TMPRSS11E: variants seen among roughly 807,000 people sequenced by gnomAD.
The protein encoded by TMPRSS11E is transmembrane serine protease 11E.
TMPRSS11E carries 38 observed loss-of-function variants against 48.1 expected under a neutral mutation model. The observed-to-expected ratio is 0.79, with a 90% CI of 0.61 to 1.04. The LOEUF is 1.04. Ranked by LOEUF, TMPRSS11E falls within the 50% of genes least tolerant of loss-of-function variation. The pLI, the probability that TMPRSS11E is intolerant of heterozygous loss-of-function variation, is 0.00. For synonymous variants in TMPRSS11E, 158 were observed against 171.9 expected, an observed-to-expected ratio of 0.92 and a Z score of 0.63; for missense variants, 530 against 510.8, an observed-to-expected ratio of 1.04 and a Z score of -0.36.
At chr4:68,454,784 A>C (rs1196359810) in intron 1 of TMPRSS11E, among the ~76,000 whole-genome samples, 1 of 151,906 alleles carries the variant, frequency 6.6e-6, no homozygotes, top group African/African-American at 2.4e-5. Context: ...CCCAACTGTC[A>C]CATTCAGGCA....
chr4:68,474,182 T>C (rs1202672904), intron 5 of TMPRSS11E, among the ~76,000 whole-genome samples: 2 of 152,144 alleles, frequency 1.3e-5, no homozygotes, highest in Admixed American at 1.3e-4. Flanking sequence ...GAGGGCAGAC[T>C]GTCTTTTGAA....
At chr4:68,487,026 G>C (rs1729572905) in intron 9 of TMPRSS11E, among the ~76,000 whole-genome samples, 1 of 152,088 alleles carries the variant, frequency 6.6e-6, no homozygotes, top group South Asian at 2.1e-4. Context: ...TTGCATTTGA[G>C]ATGGGTCTCC....
At chr4:68,464,085 G>A (rs376204914) in intron 2 of TMPRSS11E, among the ~76,000 whole-genome samples, 1 of 152,174 alleles carries the variant, frequency 6.6e-6, no homozygotes, top group East Asian at 1.9e-4. Flanking sequence ...TGAACACACA[G>A]CTTCTACTGC....
At chr4:68,489,862 G>T (rs563844740) in intron 9 of TMPRSS11E, among the ~76,000 whole-genome samples, 1 of 152,318 alleles carries the variant, frequency 6.6e-6, no homozygotes, top group Non-Finnish European at 1.5e-5. Context: ...CAACAAAGGC[G>T]AAAGCCACCT....
chr4:68,477,755 A>C (rs1729272674), intron 8 of TMPRSS11E, 127 bp downstream of exon 8: 3 of 1,180,642 alleles, frequency 2.5e-6, no homozygotes, highest in Non-Finnish European at 3.6e-6. Context: ...GTCAGGCCCT[A>C]AAAGTGAAGT....
intron 9 of TMPRSS11E, among the ~76,000 whole-genome samples, chr4:68,480,559 T>C (rs1234910167): frequency 1.3e-5 from 2 of 152,096 alleles, no homozygotes; most frequent in African/African-American, 4.8e-5. Context: ...TAATTGCTCA[T>C]TGAGATGTAT....
chr4:68,466,686 A>G lies in TMPRSS11E; in HGVS notation c.192A>G (p.Leu64=), dbSNP rs1045210480. 2 of 1,613,474 alleles carry G rather than the reference A, an allele frequency of 1.2e-6. No individual in the cohort carries two copies. Among genetic ancestry groups the G allele is most frequent in the Non-Finnish European group, 8.5e-7 (1 of 1,179,464 alleles). The change falls in exon 3 of 10, where the codon CTA becomes CTG. Residue 64 remains leucine, a synonymous_variant. Coordinates refer to ENST00000305363, the MANE Select transcript of TMPRSS11E (RefSeq NM_014058.4). ...YSTLSFTTDK[L]YAEFGREASN... ...CATTGTCATTTACAACTGACAAACT[A>G]TATGCTGAGTTTGGCAGAGAGGCTT...
intron 9 of TMPRSS11E, among the ~76,000 whole-genome samples, chr4:68,492,396 G>T (rs1175093742): frequency 6.6e-6 from 1 of 152,178 alleles, no homozygotes; most frequent in Non-Finnish European, 1.5e-5. Context: ...GTTGAAAAAT[G>T]TGATACTGTG....
Position 68,448,879 on chromosome 4 carries a change from C to A in TMPRSS11E, c.11+1356C>A, listed in dbSNP as rs547740732. Reference sequence around the variant, plus strand: ...AAAATGTTAAGAGCATGTACTAGAGCAAAAAAGGATTAAGTTTATTATTCA... The same window carrying A: ...AAAATGTTAAGAGCATGTACTAGAGAAAAAAAGGATTAAGTTTATTATTCA... On this transcript the variant is annotated intron_variant, in intron 1 of 9. Transcript: ENST00000305363. Among the ~76,000 whole-genome samples the A allele has an allele frequency of 6.6e-5, 10 of 151,614 alleles. 1 individual carries two copies. In the South Asian group the frequency reaches 2.1e-3, roughly 32 times the overall value.
intron 2 of TMPRSS11E, among the ~76,000 whole-genome samples, chr4:68,464,542 T>G (rs892051885): frequency 2.0e-5 from 3 of 152,218 alleles, no homozygotes; most frequent in Admixed American, 6.5e-5. Flanking sequence ...ATTCCCAACA[T>G]ATTTTAGTAA....
At chr4:68,467,673 C>A (rs749778240) in intron 3 of TMPRSS11E, among the ~76,000 whole-genome samples, 6 of 152,164 alleles carry the variant, frequency 3.9e-5, no homozygotes, top group Non-Finnish European at 7.4e-5. Flanking sequence ...GGAAGTGAGA[C>A]CCTGGAAACC....
chr4:68,461,723 A>C, intron 1 of TMPRSS11E, 98 bp from the exon 2 acceptor site: 1 of 1,570,394 alleles, frequency 6.4e-7, no homozygotes, highest in Middle Eastern at 2.1e-4. Context: ...ACGACCCTCC[A>C]ACTGAATGTC....
chr4:68,450,468 A>G (rs1361933840), intron 1 of TMPRSS11E, among the ~76,000 whole-genome samples: 1 of 151,862 alleles, frequency 6.6e-6, no homozygotes, highest in Non-Finnish European at 1.5e-5. Context: ...TCCCTGTAAC[A>G]TATTGTCTAC....
chr4:68,453,369 G>T (rs1464103135), intron 1 of TMPRSS11E, among the ~76,000 whole-genome samples: 1 of 151,786 alleles, frequency 6.6e-6, no homozygotes, highest in African/African-American at 2.4e-5. Flanking sequence ...AGGCAGTTAG[G>T]ACTAATCCCA....
chr4:68,470,169 A>G (rs1729024828), intron 4 of TMPRSS11E, among the ~76,000 whole-genome samples: 1 of 151,910 alleles, frequency 6.6e-6, no homozygotes, highest in Non-Finnish European at 1.5e-5. Flanking sequence ...CTCATGATCA[A>G]CTCAAAAATT....
chr4:68,473,064 C>T (rs184298881), intron 5 of TMPRSS11E, among the ~76,000 whole-genome samples: 99 of 152,110 alleles, frequency 6.5e-4, no homozygotes, highest in Middle Eastern at 3.4e-3. Flanking sequence ...GGAAATAGTA[C>T]AAAAGGCTAA....
At chr4:68,460,224 C>A (rs1219122727) in intron 1 of TMPRSS11E, among the ~76,000 whole-genome samples, 1 of 152,106 alleles carries the variant, frequency 6.6e-6, no homozygotes, top group African/African-American at 2.4e-5. Flanking sequence ...TGCCAATGCT[C>A]TTTATTTTGT....
chr4:68,448,167 T>G (rs754727859), intron 1 of TMPRSS11E, among the ~76,000 whole-genome samples: 1 of 152,026 alleles, frequency 6.6e-6, no homozygotes, highest in African/African-American at 2.4e-5. Context: ...AGTTTTGTCT[T>G]TGAAAATAAT....
intron 9 of TMPRSS11E, among the ~76,000 whole-genome samples, chr4:68,479,378 A>C (rs1048625185): frequency 1.3e-5 from 2 of 152,000 alleles, no homozygotes; most frequent in African/African-American, 2.4e-5. Context: ...TAAATAGAGT[A>C]ACAGTAGCTT....
Sources: allele counts gnomAD v4.1 joint callset (sites outside exome capture counted in the v4.1 genomes callset), GRCh38; gene constraint gnomAD v4.1.1; transcripts MANE v1.5; gene names NCBI Gene and HGNC (gene_info 2026-07-23, HGNC 2026-07-21).